Variants in UBE4B observed in about 807,000 individuals in gnomAD.
The protein encoded by UBE4B is ubiquitination factor E4B.
In UBE4B, 27 loss-of-function variants were observed where a neutral mutation model predicts 148.1. The observed-to-expected ratio is 0.18, with a 90% CI of 0.13 to 0.25. The LOEUF (loss-of-function observed/expected upper bound fraction) is 0.25, where lower values mean the gene tolerates loss of function less well. Ranked by LOEUF, UBE4B falls within the 10% of genes least tolerant of loss-of-function variation. UBE4B has a pLI of 1.00. For missense variants in UBE4B, 1,170 were observed against 1,662.4 expected (o/e 0.70, Z 5.15); for synonymous variants, 596 against 619.3 (o/e 0.96, Z 0.56).
intron 1 of UBE4B, among the ~76,000 whole-genome samples, chr1:10,037,973 G>T (rs571864731): frequency 1.8e-4 from 27 of 152,056 alleles, no homozygotes; most frequent in Non-Finnish European, 4.0e-4. Flanking sequence ...GGGATTCCGG[G>T]TGTGGTCAAG....
chr1:10,043,489 C>T (rs1182690979), intron 1 of UBE4B, among the ~76,000 whole-genome samples: 6 of 141,736 alleles, frequency 4.2e-5, no homozygotes, highest in African/African-American at 2.7e-5. Context: ...TGCAGTGGCG[C>T]GATCTCGGCT....
intron 1 of UBE4B, among the ~76,000 whole-genome samples, chr1:10,051,748 C>T (rs562721475): frequency 6.6e-6 from 1 of 152,286 alleles, no homozygotes; most frequent in African/African-American, 2.4e-5. Flanking sequence ...CATATCAGGA[C>T]TAAAGAATAC....
chr1:10,163,557 A>G (rs990988869), intron 23 of UBE4B, among the ~76,000 whole-genome samples: 1 of 151,804 alleles, frequency 6.6e-6, no homozygotes, highest in Non-Finnish European at 1.5e-5. Flanking sequence ...AGTCCCAGCT[A>G]CTTGAGAGGC....
At chr1:10,151,250 C>T (rs915672860) in intron 20 of UBE4B, 76 bp from the exon 21 acceptor site, 1 of 1,383,704 alleles carries the variant, frequency 7.2e-7, no homozygotes, top group Non-Finnish European at 1.0e-6. Context: ...CACTTACTGA[C>T]ACCAGCCTTC....
chr1:10,122,111 G>A (rs372810575), intron 10 of UBE4B, 35 bp downstream of exon 10: 1 of 1,453,802 alleles, frequency 6.9e-7, no homozygotes, highest in African/African-American at 1.4e-5. Context: ...GCAAATTTTA[G>A]CCTGAGAGCC....
intron 17 of UBE4B, among the ~76,000 whole-genome samples, chr1:10,143,317 G>A (rs1200282592): frequency 7.2e-5 from 11 of 151,978 alleles, no homozygotes; most frequent in Non-Finnish European, 4.4e-5. Flanking sequence ...CAGGAGAATC[G>A]CTTCAACCCG....
Position 10,165,452 on chromosome 1 carries a change from G to A in UBE4B, c.3199-2684G>A, listed in dbSNP as rs74676568. ...CACTCTTGAGCATGTCCATATCAGG[G>A]ATGGTGTTAAACATCTCAGTCTGAT... On this transcript the variant is annotated intron_variant, in intron 23 of 27. Transcript: ENST00000343090. 1.0e-2 allele frequency among the ~76,000 whole-genome samples: 1,519 copies of A among 152,226 alleles called. 10 individuals carry two copies. The highest frequency in any genetic ancestry group is 0.02 in the Middle Eastern group (6 of 294).
intron 2 of UBE4B, among the ~76,000 whole-genome samples, chr1:10,084,498 C>T (rs771549756): frequency 6.6e-6 from 1 of 151,962 alleles, no homozygotes; most frequent in Non-Finnish European, 1.5e-5. Flanking sequence ...ACAAACCACT[C>T]TTAGTTTTGG....
intron 14 of UBE4B, among the ~76,000 whole-genome samples, chr1:10,131,975 C>T (rs544051535): frequency 6.6e-6 from 1 of 150,704 alleles, no homozygotes; most frequent in Non-Finnish European, 1.5e-5. Flanking sequence ...AACAAAAATG[C>T]AAAAACTAGC....
At chr1:10,108,656 G>A (rs1045681422) in intron 7 of UBE4B, among the ~76,000 whole-genome samples, 7 of 152,162 alleles carry the variant, frequency 4.6e-5, no homozygotes, top group African/African-American at 1.7e-4. Flanking sequence ...ATTCGATGGT[G>A]TTCAGAAGAA....
intron 2 of UBE4B, among the ~76,000 whole-genome samples, chr1:10,083,837 G>A (rs1055056188): frequency 6.6e-6 from 1 of 152,262 alleles, no homozygotes; most frequent in Admixed American, 6.5e-5. Context: ...GCCCCCAAAG[G>A]GGTATGTTTT....
At chr1:10,171,034 A>G in intron 24 of UBE4B, 104 bp from the exon 25 acceptor site, 2 of 1,232,388 alleles carry the variant, frequency 1.6e-6, no homozygotes, top group South Asian at 3.0e-5. Context: ...GATTCTTTGA[A>G]GATTAATCCA....
intron 25 of UBE4B, among the ~76,000 whole-genome samples, chr1:10,177,247 C>T (rs1646441674): frequency 6.6e-6 from 1 of 151,908 alleles, no homozygotes; most frequent in Admixed American, 6.6e-5. Context: ...AGGCCGAGCA[C>T]AGTGGCTCAC....
chr1:10,154,797 G>A (rs542264189), intron 21 of UBE4B, among the ~76,000 whole-genome samples: 19 of 151,486 alleles, frequency 1.3e-4, no homozygotes, highest in African/African-American at 3.9e-4. Context: ...AGCCAAGATC[G>A]TGCCATTGCA....
At position 10,146,225 on chromosome 1, in the gene UBE4B, G is replaced by A. The variant is rs1015061301; in HGVS notation, c.2464-738G>A. ...CCAGCACTTTGAGAGGCCGAGGCAG[G>A]CAGATCACCTGAGGTCAGGAGTTCG... On this transcript the variant is annotated intron_variant, in intron 18 of 27. Transcript: ENST00000343090. 3.9e-5 allele frequency among the ~76,000 whole-genome samples: 6 copies of A among 152,158 alleles called. No homozygotes were observed. The East Asian group carries it at 1.2e-3, about 29-fold the overall frequency.
chr1:10,131,630 G>A (rs1645594975), intron 14 of UBE4B, among the ~76,000 whole-genome samples: 2 of 152,204 alleles, frequency 1.3e-5, no homozygotes, highest in Admixed American at 1.3e-4. Context: ...AACACTTTGG[G>A]AGGCTGAGAT....
intron 2 of UBE4B, among the ~76,000 whole-genome samples, chr1:10,081,798 A>G (rs1478110595): frequency 6.6e-6 from 1 of 152,188 alleles, no homozygotes; most frequent in East Asian, 1.9e-4. Context: ...CATGTTGGCC[A>G]GGCTGGTCTC....
chr1:10,090,156 G>A (rs1644823624), intron 2 of UBE4B, among the ~76,000 whole-genome samples: 1 of 151,100 alleles, frequency 6.6e-6, no homozygotes, highest in African/African-American at 2.4e-5. Flanking sequence ...GTTTCACTTT[G>A]TTGCCCAGGC....
intron 19 of UBE4B, among the ~76,000 whole-genome samples, chr1:10,148,524 C>T (rs780947255): frequency 2.0e-5 from 3 of 149,820 alleles, no homozygotes; most frequent in Admixed American, 1.3e-4. Flanking sequence ...CCCAGCTACT[C>T]GGGAGGCTGA....
Sources: gnomAD v4.1 joint callset for allele counts (sites outside exome capture counted in the v4.1 genomes callset) on GRCh38, gnomAD v4.1.1 for gene constraint, MANE v1.5 for transcripts, NCBI Gene and HGNC (gene_info 2026-07-23, HGNC 2026-07-21) for gene names.